Variants in KANSL3 observed in about 807,000 individuals in gnomAD.
KANSL3 encodes the protein KAT8 regulatory NSL complex subunit 3.
A neutral mutation model predicts 89.2 loss-of-function variants in KANSL3; 16 were observed. That is an observed-to-expected ratio of 0.18 (90% CI 0.12 to 0.27). The LOEUF (loss-of-function observed/expected upper bound fraction) is 0.27. KANSL3 is among the 10% of genes least tolerant of loss of function. The pLI, the probability that KANSL3 is intolerant of heterozygous loss-of-function variation, is 1.00. For synonymous variants in KANSL3, 385 were observed against 419.7 expected (o/e 0.92, Z 1.01); for missense variants, 879 against 1,110.6 (o/e 0.79, Z 2.96).
the KANSL3 span, among the ~76,000 whole-genome samples, chr2:96,586,563 T>C: frequency 6.6e-6 from 1 of 152,220 alleles, no homozygotes; most frequent in Non-Finnish European, 1.5e-5. Context: ...TTATCCTCCA[T>C]TATGTAAAAA....
At chr2:96,614,948 T>TA in intron 5 of KANSL3, 1 of 150,668 alleles carries the variant, frequency 6.6e-6, no homozygotes, top group East Asian at 1.9e-4. Context: ...ATAATAAAAT[T>TA]AAAAAAATAA....
At chr2:96,605,765 G>A (rs1182752494) in intron 14 of KANSL3, 2 of 279,392 alleles carry the variant, frequency 7.2e-6, no homozygotes, top group Admixed American at 4.7e-5. Flanking sequence ...CACTGGAATC[G>A]GAAGAGAAGG....
intron 3 of KANSL3, among the ~76,000 whole-genome samples, chr2:96,627,692 ATGTGGCAAACTAAT>A (rs1386809040): frequency 1.1e-4 from 16 of 152,240 alleles, no homozygotes; most frequent in Non-Finnish European, 1.0e-4. Flanking sequence ...GGAGCTCTTG[ATGTGGCAAACTAAT>A]TTTACATGAC....
intron 3 of KANSL3, among the ~76,000 whole-genome samples, chr2:96,629,021 T>C (rs910792521): frequency 2.6e-5 from 4 of 152,170 alleles, no homozygotes; most frequent in African/African-American, 9.7e-5. Context: ...TTAAGGTTTC[T>C]TAAACACCCT....
At chr2:96,583,714 G>A in the KANSL3 span, among the ~76,000 whole-genome samples, 6 of 152,340 alleles carry the variant, frequency 3.9e-5, no homozygotes, top group Non-Finnish European at 8.8e-5. Flanking sequence ...AAGCTGCTAT[G>A]AATGTACTTG....
intron 2 of KANSL3, among the ~76,000 whole-genome samples, chr2:96,632,763 G>A (rs1276229583): frequency 2.0e-5 from 3 of 151,964 alleles, no homozygotes; most frequent in Admixed American, 1.3e-4. Flanking sequence ...AGGTCAGATC[G>A]AGACTATCCT....
rs538056553 is a variant in KANSL3, at chr2:96,594,034, T to G, written c.*1577A>C. The G allele has an allele frequency of 6.6e-6, 1 of 152,320 alleles. No homozygotes were observed. The highest frequency in any genetic ancestry group is 2.1e-4 in the South Asian group (1 of 4,822). The allele number at this position is 152,320 out of a possible 1,614,324, so 9.4% of individuals were successfully genotyped here. ...AAGGTATGGGGTTTAGGGTACCCTCTCCTATCACACACATCCCCCCTGCCC... is the reference window on the plus strand; with the variant it reads ...AAGGTATGGGGTTTAGGGTACCCTCGCCTATCACACACATCCCCCCTGCCC... On this transcript the variant is annotated 3_prime_UTR_variant, in exon 21 of 21. Transcript: ENST00000431828.
intron 6 of KANSL3, 68 bp from the exon 7 acceptor site, chr2:96,613,002 C>T: frequency 9.7e-7 from 1 of 1,034,062 alleles, no homozygotes; most frequent in South Asian, 1.4e-5. Flanking sequence ...TTCCAAGTAT[C>T]CCAATACCTT....
In KANSL3 at chr2:96,608,991, T is replaced by C; in HGVS notation, c.1457A>G (p.Gln486Arg). The C allele has an allele frequency of 6.4e-7, 1 of 1,563,824 alleles. No individual in the cohort carries two copies. The highest frequency in any genetic ancestry group is 8.7e-7 in the Non-Finnish European group (1 of 1,153,794). ...EGHMGSEPRD[Q>R]DAEKKKKPRD... The stretch of plus-strand genomic sequence containing the variant: ...GGGCTTCTTCTTCTTCTCAGCATCC[T>C]GATCCCGAGGTTCAGAGCCCATGTG... Residue 486 changes from glutamine (Q) to arginine (R), a missense_variant, in exon 13 of 21, where the codon CAG becomes CGG. Gln to Arg is a conservative substitution (Grantham distance 43). Transcript: ENST00000431828.
chr2:96,627,404 G>A (rs1389990084), intron 3 of KANSL3, among the ~76,000 whole-genome samples: 7 of 152,108 alleles, frequency 4.6e-5, no homozygotes, highest in Non-Finnish European at 8.8e-5. Context: ...TAGTAGAGAC[G>A]GGGTTTCACT....
At chr2:96,629,950 TG>T (rs2073093610) in intron 3 of KANSL3, among the ~76,000 whole-genome samples, 1 of 152,166 alleles carries the variant, frequency 6.6e-6, no homozygotes, top group Admixed American at 6.6e-5. Flanking sequence ...AAATATAAGT[TG>T]AAACCACAAT....
chr2:96,619,620 G>A, intron 4 of KANSL3, 52 bp downstream of exon 4: 3 of 1,601,788 alleles, frequency 1.9e-6, no homozygotes, highest in Non-Finnish European at 2.6e-6. Context: ...CAGTCAGCCA[G>A]TGAGGCCTGA....
intron 3 of KANSL3, among the ~76,000 whole-genome samples, chr2:96,625,039 G>A (rs1422261036): frequency 2.0e-5 from 3 of 151,834 alleles, no homozygotes; most frequent in South Asian, 4.2e-4. Context: ...GCGAAACCCC[G>A]TCTCTACTAA....
intron 3 of KANSL3, among the ~76,000 whole-genome samples, chr2:96,626,211 T>A (rs963155481): frequency 6.6e-6 from 1 of 152,208 alleles, no homozygotes; most frequent in Admixed American, 6.5e-5. Flanking sequence ...CATTAAAATA[T>A]CTAAAGGATT....
the KANSL3 span, among the ~76,000 whole-genome samples, chr2:96,583,664 G>A: frequency 6.6e-6 from 1 of 152,084 alleles, no homozygotes; most frequent in Non-Finnish European, 1.5e-5. Context: ...TCCTATTAAG[G>A]GACATTCAGT....
chr2:96,590,782 G>C (rs965760575), downstream of KANSL3, among the ~76,000 whole-genome samples: 1 of 151,982 alleles, frequency 6.6e-6, no homozygotes, highest in African/African-American at 2.4e-5. Flanking sequence ...TCAGGAGTTT[G>C]AGACCAGTCT....
At chr2:96,600,361 G>T in intron 20 of KANSL3, 1 of 777,056 alleles carries the variant, frequency 1.3e-6, no homozygotes, top group Non-Finnish European at 1.6e-6. Flanking sequence ...TATAATGTTT[G>T]AATTATTTAA....
chr2:96,608,428 A>G (rs1041224263), intron 14 of KANSL3, 80 bp downstream of exon 14: 13 of 1,397,180 alleles, frequency 9.3e-6, no homozygotes, highest in African/African-American at 1.4e-5. Context: ...AAAGCCATAG[A>G]TATCAATACT....
chr2:96,605,479 C>G lies in KANSL3; in HGVS notation c.1774G>C (p.Glu592Gln). 1 of 1,613,852 alleles carries G rather than the reference C, an allele frequency of 6.2e-7. No homozygotes were observed. ...PISSEPPEEG[E>Q]KEDLRVQLKR... ...AGCTGAACCCTAAGATCCTCTTTCT[C>G]TCCTTCCTCTGGTGGTTCTGATGAA... is the stretch of plus-strand genomic sequence containing the variant. Residue 592 changes from glutamate to glutamine, a missense_variant, in exon 15 of 21, where the codon GAG becomes CAG. By Grantham distance (29) the Glu-to-Gln change is conservative. Coordinates refer to ENST00000431828, the MANE Select transcript of KANSL3 (RefSeq NM_001115016.3).
Sources: gnomAD v4.1 joint callset for allele counts (sites outside exome capture counted in the v4.1 genomes callset) on GRCh38, gnomAD v4.1.1 for gene constraint, MANE v1.5 for transcripts, NCBI Gene and HGNC (gene_info 2026-07-23, HGNC 2026-07-21) for gene names.